PWWP2A: variants seen among roughly 807,000 people sequenced by gnomAD.
PWWP2A encodes the protein PWWP domain containing 2A, also known as PWWP domain-containing protein 2A.
A neutral mutation model predicts 48.5 loss-of-function variants in PWWP2A; 18 were observed. The observed-to-expected ratio is 0.37, with a 90% confidence interval of 0.26 to 0.55. PWWP2A has a LOEUF of 0.55. PWWP2A is among the 20% of genes least tolerant of loss of function. PWWP2A has a pLI of 0.81. For missense variants in PWWP2A, 867 were observed against 976.4 expected (o/e 0.89, Z 1.49); for synonymous variants, 396 against 387.7 (o/e 1.02, Z -0.25).
At chr5:160,064,836 T>C (rs1753550998) in intron 4 of PWWP2A, 4 of 1,320,610 alleles carry the variant, frequency 3.0e-6, no homozygotes, top group African/African-American at 3.0e-5. Flanking sequence ...AGAGATACTT[T>C]TATATTTTGT....
chr5:160,108,232 G>T (rs1231000993), intron 1 of PWWP2A, among the ~76,000 whole-genome samples: 1 of 151,910 alleles, frequency 6.6e-6, no homozygotes, highest in South Asian at 2.1e-4. Context: ...ATGAAACCAG[G>T]TTTAATGCCC....
chr5:160,093,335 CCTTTT>C lies in PWWP2A; in HGVS notation c.1310_1314del (p.Glu437GlyfsTer7). The C allele has an allele frequency of 6.2e-7, 1 of 1,613,820 alleles. No homozygotes were observed. Among genetic ancestry groups the C allele is most frequent in the Non-Finnish European group, 8.5e-7 (1 of 1,179,800 alleles). On this transcript the variant is annotated frameshift_variant, in exon 2 of 2. Transcript: ENST00000307063. LOFTEE classifies it high-confidence loss of function. This position sits in a 1 kb window ranked among gnomAD's most constrained non-coding sequence, Gnocchi z 5.8. ...GAGGTTTCATTTTGCTTCTTTTGTG[CCTTTT>C]CTTTGGCAATTTTTAACACTTCCCG...
At chr5:160,118,334 C>T (rs115991227) in intron 1 of PWWP2A, among the ~76,000 whole-genome samples, 2 of 152,106 alleles carry the variant, frequency 1.3e-5, no homozygotes, top group Non-Finnish European at 2.9e-5. Context: ...CTTTTGGGAA[C>T]CCCAATGTAC....
downstream of PWWP2A, chr5:160,090,863 A>G (rs758489293): frequency 1.2e-5 from 12 of 984,804 alleles, no homozygotes; most frequent in Non-Finnish European, 1.4e-5. Flanking sequence ...CCAATCAGAT[A>G]TATTTCTCAC....
chr5:160,071,794 T>C (rs1481274962), downstream of PWWP2A, among the ~76,000 whole-genome samples: 1 of 152,210 alleles, frequency 6.6e-6, no homozygotes, highest in Non-Finnish European at 1.5e-5. Flanking sequence ...CGCTGCCAGC[T>C]GGATTGTATG....
chr5:160,093,282 G>A lies in PWWP2A; in HGVS notation c.1368C>T (p.Val456=). The A allele has an allele frequency of 6.2e-7, 1 of 1,613,974 alleles. No individual in the cohort carries two copies. Among genetic ancestry groups the A allele is most frequent in the Non-Finnish European group, 8.5e-7 (1 of 1,179,892 alleles). ...TSTSKNAHSK[V]HFTRRYQNPS... ...GATTCTGATATCGACGTGTGAAATG[G>A]ACTTTTGAATGTGCATTTTTGGAAG... The change falls in exon 2 of 2, where the codon GTC becomes GTT. Residue 456 remains valine (V), a synonymous_variant. Transcript: ENST00000307063. This position sits in a 1 kb window ranked among gnomAD's most constrained non-coding sequence, Gnocchi z 5.8.
the PWWP2A span, among the ~76,000 whole-genome samples, chr5:160,054,241 G>A: frequency 6.6e-6 from 1 of 152,190 alleles, no homozygotes; most frequent in African/African-American, 2.4e-5. Flanking sequence ...GAGGCTCAGA[G>A]CATTTTTGAG....
At chr5:160,052,563 A>AAAT in the PWWP2A span, among the ~76,000 whole-genome samples, 1 of 151,484 alleles carries the variant, frequency 6.6e-6, no homozygotes, top group Non-Finnish European at 1.5e-5. Flanking sequence ...AAAAAAAAAA[A>AAAT]AAAAAAAAAA....
At chr5:160,072,412 T>C (rs1420283648), downstream of PWWP2A, among the ~76,000 whole-genome samples, 1 of 152,120 alleles carries the variant, frequency 6.6e-6, no homozygotes, top group African/African-American at 2.4e-5. Context: ...CGCATGAGAA[T>C]GACTGCTTAC....
intron 2 of PWWP2A, among the ~76,000 whole-genome samples, chr5:160,083,187 G>A (rs1754367811): frequency 6.6e-6 from 1 of 152,162 alleles, no homozygotes; most frequent in Non-Finnish European, 1.5e-5. Flanking sequence ...AGCTCTTTTA[G>A]ACAAACTGCA....
rs759905215 is a variant in PWWP2A, at chr5:160,092,714, C to T, written c.1936G>A (p.Val646Ile). The part of the protein sequence containing the change: ...KVFSKNVSKC[V>I]TPDGRTICVG... ...CATATGGTCCTGCCATCTGGTGTGACGCATTTAGAGACGTTTTTGGAAAAG... is the reference window on the plus strand; with the variant it reads ...CATATGGTCCTGCCATCTGGTGTGATGCATTTAGAGACGTTTTTGGAAAAG... The change falls in exon 2 of 2, where the codon GTC becomes ATC. Residue 646 changes from valine to isoleucine, a missense_variant. Physicochemically the swap from Val to Ile is conservative, Grantham distance 29 (BLOSUM62 3). Around this residue, in one of 4 missense-constraint regions of PWWP2A, gnomAD observed 97 missense variants for 151.7 expected, o/e 0.64. Coordinates refer to ENST00000307063, the MANE Select transcript of PWWP2A (RefSeq NM_001130864.2). 33 of 1,551,510 alleles carry T rather than the reference C, an allele frequency of 2.1e-5. No homozygotes were observed. The highest frequency in any genetic ancestry group is 7.3e-5 in the East Asian group (3 of 40,928).
In PWWP2A at chr5:160,079,318, C is replaced by T. The variant is rs944865610; in HGVS notation, c.1670-1150G>A. ...GCTTCCTTCGCTTACTAGATCAAGCCCTACAAAATACATTTCACTGGGTAT... is the reference window on the plus strand; with the variant it reads ...GCTTCCTTCGCTTACTAGATCAAGCTCTACAAAATACATTTCACTGGGTAT... On this transcript the variant is annotated intron_variant, in intron 3 of 3. Coordinates refer to the PWWP2A transcript ENST00000456329. Among the ~76,000 whole-genome samples, 5 of 151,622 alleles carry T rather than the reference C, an allele frequency of 3.3e-5. No homozygotes were observed. In the East Asian group the frequency reaches 9.7e-4, roughly 29 times the overall value.
intron 2 of PWWP2A, among the ~76,000 whole-genome samples, chr5:160,082,243 G>A (rs1049834611): frequency 1.3e-5 from 2 of 151,960 alleles, no homozygotes; most frequent in African/African-American, 4.8e-5. Context: ...AGGAGATCGA[G>A]ACCATCCTGG....
intron 2 of PWWP2A, among the ~76,000 whole-genome samples, chr5:160,067,902 C>T (rs1225205486): frequency 6.6e-6 from 1 of 152,184 alleles, no homozygotes; most frequent in Non-Finnish European, 1.5e-5. Flanking sequence ...AAGCTCTGGC[C>T]AGGCACCGTG....
the PWWP2A span, among the ~76,000 whole-genome samples, chr5:160,045,395 A>G: frequency 6.6e-6 from 1 of 150,716 alleles, no homozygotes; most frequent in Admixed American, 6.6e-5. Flanking sequence ...TTCATAGGCA[A>G]ATTACATTTA....
At chr5:160,051,174 G>A in the PWWP2A span, 1 of 1,609,192 alleles carries the variant, frequency 6.2e-7, no homozygotes, top group Non-Finnish European at 8.5e-7. Flanking sequence ...ACTAAAAGAA[G>A]AGATGTTAGG....
intron 5 of PWWP2A, chr5:160,062,208 C>T (rs1356822440): frequency 6.6e-6 from 1 of 152,210 alleles, no homozygotes; most frequent in Non-Finnish European, 1.5e-5. Flanking sequence ...AAAACGAGGG[C>T]CTGGGAAAGA....
chr5:160,067,700 G>C (rs745598315), intron 2 of PWWP2A, among the ~76,000 whole-genome samples: 1 of 152,214 alleles, frequency 6.6e-6, no homozygotes, highest in Non-Finnish European at 1.5e-5. Context: ...GTAGGTGTGA[G>C]CTTGCTTAAG....
chr5:160,045,454 C>CACA, the PWWP2A span, among the ~76,000 whole-genome samples: 5 of 38,874 alleles, frequency 1.3e-4, no homozygotes, highest in Non-Finnish European at 1.9e-4. Flanking sequence ...CCCCCACCCT[C>CACA]CACACACACA....
Sources: allele counts gnomAD v4.1 joint callset (sites outside exome capture counted in the v4.1 genomes callset), GRCh38; gene constraint gnomAD v4.1.1; regional missense constraint gnomAD v4.1.1; non-coding constraint Gnocchi (gnomAD v3.1); transcripts MANE v1.5; gene names NCBI Gene and HGNC (gene_info 2026-07-23, HGNC 2026-07-21).